Variants in GPX5 observed in about 807,000 individuals in gnomAD.
GPX5 encodes the protein epididymal secretory glutathione peroxidase.
In GPX5, 20 loss-of-function variants were observed where a neutral mutation model predicts 23.8. That is an observed-to-expected ratio of 0.84 (90% CI 0.59 to 1.22). The LOEUF is 1.22. Ranked by LOEUF, GPX5 falls within the 50% of genes most tolerant of loss-of-function variation. GPX5 has a pLI of 0.00. For synonymous variants in GPX5, 92 were observed against 99.5 expected, an observed-to-expected ratio of 0.92 and a Z score of 0.45; for missense variants, 230 against 266.6, an observed-to-expected ratio of 0.86 and a Z score of 0.96.
Position 28,525,970 on chromosome 6 carries a change from C to G in GPX5, c.-44C>G, listed in dbSNP as rs2113625785. 7.0e-7 allele frequency: 1 copy of G among 1,426,776 alleles called. No homozygotes were observed. Among genetic ancestry groups the G allele is most frequent in the South Asian group, 1.1e-5 (1 of 87,142 alleles). The allele number at this position is 1,426,776 out of a possible 1,614,324, so 88.4% of individuals were successfully genotyped here. The stretch of plus-strand genomic sequence containing the variant: ...GATACCAAAAGACTGCAGAGGTGGG[C>G]AAAGACCTCAGGCCCCCAGACTAGC... On this transcript the variant is annotated 5_prime_UTR_variant, in exon 1 of 5. Coordinates refer to ENST00000412168, the MANE Select transcript of GPX5 (RefSeq NM_001509.3).
intron 3 of GPX5, 128 bp from the exon 4 acceptor site, chr6:28,532,193 T>C (rs1763338167): frequency 3.0e-6 from 2 of 664,866 alleles, no homozygotes; most frequent in Non-Finnish European, 5.2e-6. Context: ...AACATGGCCA[T>C]ATTCCTCCCC....
In GPX5 at chr6:28,534,226, A is replaced by C. The variant is rs1763383166; in HGVS notation, c.*59A>C. The C allele has an allele frequency of 2.4e-6, 3 of 1,249,788 alleles. No homozygotes were observed. Among genetic ancestry groups the C allele is most frequent in the Admixed American group, 2.6e-5 (1 of 38,666 alleles). The allele number at this position is 1,249,788 out of a possible 1,614,324, so 77.4% of individuals were successfully genotyped here. A position where few individuals can be genotyped will look rare whatever the true frequency, so the allele number is the denominator to read the frequency against. On this transcript the variant is annotated 3_prime_UTR_variant, in exon 5 of 5. Coordinates refer to ENST00000412168, the MANE Select transcript of GPX5 (RefSeq NM_001509.3). Reference sequence around the variant, plus strand: ...TCTCACCTAATGACTTGCTCTCCCCACCCCTCCAAAAAAAAGGAATACCCA... The same window carrying C: ...TCTCACCTAATGACTTGCTCTCCCCCCCCCTCCAAAAAAAAGGAATACCCA...
rs1213371172 is a variant in GPX5, at chr6:28,532,328, C to T, written c.367C>T (p.Arg123Cys). 2.2e-5 allele frequency: 35 copies of T among 1,566,532 alleles called. No homozygotes were observed. The Middle Eastern group carries it at 5.0e-4, about 23-fold the overall frequency. The change falls in exon 4 of 5, where the codon CGT becomes TGT. Residue 123 changes from arginine (R) to cysteine (C), a missense_variant. Transcript: ENST00000412168. ...KEILPGLKYV[R>C]PGGGFVPSFQ... ...CATTATGGCTTGTTGCAGGTATGTC[C>T]GTCCAGGGGGAGGATTTGTACCTAG... is the stretch of plus-strand genomic sequence containing the variant.
intron 2 of GPX5, among the ~76,000 whole-genome samples, chr6:28,530,852 C>T (rs1763298987): frequency 1.3e-5 from 2 of 152,142 alleles, no homozygotes; most frequent in Admixed American, 6.5e-5. Flanking sequence ...TACCAGTTGG[C>T]TGAGCTGAAT....
intron 1 of GPX5, chr6:28,528,196 T>C (rs1378892437): frequency 6.6e-6 from 1 of 152,176 alleles, no homozygotes; most frequent in Non-Finnish European, 1.5e-5. Context: ...TTTCAGAGTA[T>C]TGGCTTACAT....
intron 1 of GPX5, 122 bp downstream of exon 1, chr6:28,526,222 C>G (rs981984377): frequency 1.3e-6 from 1 of 763,890 alleles, no homozygotes; most frequent in Non-Finnish European, 2.2e-6. Context: ...TTCCCCTAAA[C>G]CTTGCTTTTT....
chr6:28,526,893 A>G (rs1049815620), intron 1 of GPX5: 5 of 152,202 alleles, frequency 3.3e-5, no homozygotes, highest in African/African-American at 1.2e-4. Context: ...TGGGTGAATA[A>G]CAATTATTAT....
In GPX5 at chr6:28,531,915, C is replaced by T. The variant is rs1183551402; in HGVS notation, c.359+20C>T. On this transcript the variant is annotated intron_variant, in intron 3 of 4. Transcript: ENST00000412168. ...GCTCAAGTACGTGTCTTCTTGAAAT[C>T]CAATAGGAGGCGCCTGTGTACCTTT... 6.5e-7 allele frequency: 1 copy of T among 1,527,140 alleles called. No homozygotes were observed. Among genetic ancestry groups the T allele is most frequent in the Admixed American group, 1.7e-5 (1 of 59,860 alleles). The allele number at this position is 1,527,140 out of a possible 1,614,324, so 94.6% of individuals were successfully genotyped here.
At position 28,534,217 on chromosome 6, in the gene GPX5, G is replaced by A. The variant is rs1763382962; in HGVS notation, c.*50G>A. 7.4e-7 allele frequency: 1 copy of A among 1,351,332 alleles called. No homozygotes were observed. Among genetic ancestry groups the A allele is most frequent in the East Asian group, 2.5e-5 (1 of 40,498 alleles). 83.7% of individuals were successfully genotyped at this position (1,351,332 alleles called of 1,614,324 possible). On this transcript the variant is annotated 3_prime_UTR_variant, in exon 5 of 5. Coordinates refer to ENST00000412168, the MANE Select transcript of GPX5 (RefSeq NM_001509.3). ...AACCCTACTTCTCACCTAATGACTTGCTCTCCCCACCCCTCCAAAAAAAAG... is the reference window on the plus strand; with the variant it reads ...AACCCTACTTCTCACCTAATGACTTACTCTCCCCACCCCTCCAAAAAAAAG...
In GPX5 at chr6:28,534,012, T is replaced by C. The variant is rs944681849; in HGVS notation, c.511T>C (p.Trp171Arg). The C allele has an allele frequency of 1.2e-6, 2 of 1,609,504 alleles. No homozygotes were observed. Among genetic ancestry groups the C allele is most frequent in the African/African-American group, 2.7e-5 (2 of 74,868 alleles). The change falls in exon 5 of 5, where the codon TGG becomes CGG. Residue 171 changes from tryptophan (W) to arginine (R), a missense_variant. Trp to Arg is a moderately radical substitution (Grantham distance 101). Coordinates refer to ENST00000412168, the MANE Select transcript of GPX5 (RefSeq NM_001509.3). ...TTTGGGCACATTCAAATCTATATCC[T>C]GGGACCCTGTAAAGGTCCATGACAT... ...EILGTFKSIS[W>R]DPVKVHDIRW...
intron 4 of GPX5, among the ~76,000 whole-genome samples, chr6:28,533,061 A>G (rs1484207627): frequency 6.6e-6 from 1 of 152,158 alleles, no homozygotes; most frequent in East Asian, 1.9e-4. Flanking sequence ...CTGGAGGCTG[A>G]AGTGAGCTAT....
chr6:28,529,619 A>G lies in GPX5; in HGVS notation c.241+15A>G. 6.3e-7 allele frequency: 1 copy of G among 1,577,864 alleles called. No individual in the cohort carries two copies. The highest frequency in any genetic ancestry group is 8.6e-7 in the Non-Finnish European group (1 of 1,158,754). ...GCAATATCCTGGTAAGAGAATTCAT[A>G]GTTACTTCTCTTTGGGACTAAATTT... On this transcript the variant is annotated intron_variant, in intron 2 of 4. Coordinates refer to ENST00000412168, the MANE Select transcript of GPX5 (RefSeq NM_001509.3).
chr6:28,526,958 C>T (rs553509503), intron 1 of GPX5: 1 of 152,262 alleles, frequency 6.6e-6, no homozygotes, highest in South Asian at 2.1e-4. Flanking sequence ...CATCCCTCGC[C>T]TCTAAAATTA....
In GPX5 at chr6:28,532,284, T is replaced by C. The variant is rs1370394325; in HGVS notation, c.360-37T>C. The C allele has an allele frequency of 2.4e-6, 3 of 1,250,696 alleles. No homozygotes were observed. In the African/African-American group the frequency reaches 4.6e-5, roughly 19 times the overall value. 77.5% of individuals were successfully genotyped at this position (1,250,696 alleles called of 1,614,324 possible). A position where few individuals can be genotyped will look rare whatever the true frequency, so the allele number is the denominator to read the frequency against. The stretch of plus-strand genomic sequence containing the variant: ...TCCCATTATAATCTTTACTTGCATA[T>C]CCTGGAGCTTCCTGGGAACATTATG... On this transcript the variant is annotated intron_variant, in intron 3 of 4. Transcript: ENST00000412168.
chr6:28,527,543 C>G (rs1413835619), intron 1 of GPX5, among the ~76,000 whole-genome samples: 1 of 152,154 alleles, frequency 6.6e-6, no homozygotes, highest in African/African-American at 2.4e-5. Flanking sequence ...ATTACTCCTT[C>G]TCTGAATGGG....
intron 1 of GPX5, 56 bp downstream of exon 1, chr6:28,526,156 C>T (rs1763204840): frequency 4.1e-6 from 5 of 1,224,482 alleles, no homozygotes; most frequent in Non-Finnish European, 6.0e-6. Context: ...CTTCTAGACC[C>T]TGCCCTCCAC....
At chr6:28,529,247 T>G in intron 1 of GPX5, 1 of 430,674 alleles carries the variant, frequency 2.3e-6, no homozygotes, top group South Asian at 6.9e-5. Context: ...AATGCTTGTC[T>G]TTCTCTGCCT....
intron 1 of GPX5, chr6:28,527,046 G>A (rs775438867): frequency 3.9e-5 from 6 of 152,222 alleles, no homozygotes; most frequent in Non-Finnish European, 8.8e-5. Context: ...TTAATTGAGT[G>A]TGGAGACTCT....
At position 28,529,569 on chromosome 6, in the gene GPX5, T is replaced by C; in HGVS notation, c.206T>C (p.Val69Ala). 6.2e-7 allele frequency: 1 copy of C among 1,612,368 alleles called. No individual in the cohort carries two copies. Among genetic ancestry groups the C allele is most frequent in the Non-Finnish European group, 8.5e-7 (1 of 1,178,810 alleles). ...GGCAAGCACATCCTCTTCGTCAACG[T>C]GGCCACCTACTGTGGTCTGACAGCG... is the stretch of plus-strand genomic sequence containing the variant. ...YVGKHILFVNVATYCGLTAQY... is the reference protein window; with the variant it reads ...YVGKHILFVNAATYCGLTAQY... Residue 69 changes from valine to alanine, a missense_variant, in exon 2 of 5, where the codon GTG becomes GCG. Val to Ala is a moderately conservative substitution (Grantham distance 64, BLOSUM62 0). Transcript: ENST00000412168.
Sources: allele counts gnomAD v4.1 joint callset (sites outside exome capture counted in the v4.1 genomes callset), GRCh38; gene constraint gnomAD v4.1.1; transcripts MANE v1.5; gene names NCBI Gene and HGNC (gene_info 2026-07-23, HGNC 2026-07-21).